The following PEAK1 variants were observed in gnomAD, a reference collection of about 807,000 sequenced individuals.
The protein encoded by PEAK1 is inactive tyrosine-protein kinase PEAK1.
Under a neutral mutation model 124.7 loss-of-function variants are expected in PEAK1, and 54 were observed. That is an observed-to-expected ratio of 0.43 (90% CI 0.35 to 0.54). PEAK1 has a LOEUF of 0.54. Ranked by LOEUF, PEAK1 falls within the 20% of genes least tolerant of loss-of-function variation. The probability of loss-of-function intolerance (pLI) is 0.01; values close to 1 mark genes in which losing one functional copy is unlikely to be tolerated. For synonymous variants in PEAK1, 719 were observed against 760.0 expected (o/e 0.95, Z 0.89); for missense variants, 2,046 against 2,134.5 (o/e 0.96, Z 0.82).
At chr15:77,188,565 T>G (rs2057667555) in intron 6 of PEAK1, among the ~76,000 whole-genome samples, 1 of 152,190 alleles carries the variant, frequency 6.6e-6, no homozygotes, top group South Asian at 2.1e-4. Flanking sequence ...TATTATCTAA[T>G]AACAGCCAAG....
intron 2 of PEAK1, 78 bp downstream of exon 2, chr15:77,365,085 C>G: frequency 2.1e-6 from 1 of 466,408 alleles, no homozygotes; most frequent in Non-Finnish European, 2.8e-6. Context: ...TTGATATTGC[C>G]TTAAATTTTT....
In PEAK1 at chr15:77,271,099, C is replaced by A. The variant is rs2062006255; in HGVS notation, c.-275+12784G>T. The stretch of plus-strand genomic sequence containing the variant: ...AAATTTACAAGAAAAAAACAAACAA[C>A]CCCATCAAAAAGTGGGCGAAGGACA... On this transcript the variant is annotated intron_variant, in intron 5 of 9. Transcript: ENST00000682557. 2.0e-5 allele frequency among the ~76,000 whole-genome samples: 3 copies of A among 152,096 alleles called. No homozygotes were observed. In the South Asian group the frequency reaches 6.2e-4, roughly 32 times the overall value.
rs150875983 is a variant in PEAK1 at position 77,365,459 on chromosome 15, C to T, written c.-665-234G>A. On this transcript the variant is annotated intron_variant, in intron 1 of 9. Transcript: ENST00000682557. ...AAATTAAAAGTATATCAAAACAGGC[C>T]GGGCACGGCGGCTCACGCCTGTAAT... Among the ~76,000 whole-genome samples, 687 of 152,226 alleles carry T rather than the reference C, an allele frequency of 4.5e-3. 5 individuals are homozygous for T. The highest frequency in any genetic ancestry group is 0.01 in the Admixed American group (158 of 15,290).
At chr15:77,129,099 A>T (rs2052626670) in intron 9 of PEAK1, among the ~76,000 whole-genome samples, 1 of 152,186 alleles carries the variant, frequency 6.6e-6, no homozygotes, top group Admixed American at 6.5e-5. Flanking sequence ...TGGTGTCCTT[A>T]TAAGAGATAC....
At chr15:77,117,106 C>T (rs1201140020) in intron 9 of PEAK1, among the ~76,000 whole-genome samples, 2 of 152,074 alleles carry the variant, frequency 1.3e-5, no homozygotes, top group Non-Finnish European at 2.9e-5. Context: ...ACCATTATCC[C>T]CATTGCCAGT....
At chr15:77,203,587 A>G (rs777145587) in intron 6 of PEAK1, among the ~76,000 whole-genome samples, 4 of 152,180 alleles carry the variant, frequency 2.6e-5, no homozygotes, top group Non-Finnish European at 5.9e-5. Context: ...CAAATAGATC[A>G]ATGGAACAGA....
chr15:77,183,639 T>A (rs2057393042), intron 6 of PEAK1, among the ~76,000 whole-genome samples: 1 of 151,334 alleles, frequency 6.6e-6, no homozygotes, highest in African/African-American at 2.4e-5. Flanking sequence ...ATCAAAAACA[T>A]TTGCCAAAAA....
chr15:77,384,557 A>C (rs2069764168), intron 1 of PEAK1, among the ~76,000 whole-genome samples: 1 of 152,234 alleles, frequency 6.6e-6, no homozygotes, highest in Non-Finnish European at 1.5e-5. Context: ...AGCATACATT[A>C]AGAGCAAAAT....
intron 6 of PEAK1, among the ~76,000 whole-genome samples, chr15:77,221,972 A>G (rs1443018237): frequency 6.6e-6 from 1 of 152,094 alleles, no homozygotes; most frequent in Non-Finnish European, 1.5e-5. Flanking sequence ...AAAAGAGTAC[A>G]GTAAGAATGT....
chr15:77,322,826 C>T (rs1488337206), intron 2 of PEAK1, among the ~76,000 whole-genome samples: 1 of 151,866 alleles, frequency 6.6e-6, no homozygotes, highest in Non-Finnish European at 1.5e-5. Flanking sequence ...GACACAACAA[C>T]AACAAAAAAA....
intron 6 of PEAK1, among the ~76,000 whole-genome samples, chr15:77,201,810 C>A (rs2058376907): frequency 6.6e-6 from 1 of 152,124 alleles, no homozygotes; most frequent in Admixed American, 6.5e-5. Context: ...GGCCACATTC[C>A]AAGGAATGCC....
exon 7 of PEAK1, chr15:77,100,736 CTA>C (rs2050687301): frequency 6.6e-6 from 1 of 151,030 alleles, no homozygotes; most frequent in South Asian, 2.1e-4. Flanking sequence ...CATTCACCTC[CTA>C]ATTAAACTGA....
chr15:77,119,098 G>C (rs2051669956), intron 9 of PEAK1, among the ~76,000 whole-genome samples: 1 of 81,524 alleles, frequency 1.2e-5, no homozygotes, highest in South Asian at 3.6e-4. Flanking sequence ...CCTCTTTCTG[G>C]ATAAGCTTTT....
At chr15:77,146,477 CA>C (rs543282662) in intron 8 of PEAK1, among the ~76,000 whole-genome samples, 234 of 152,264 alleles carry the variant, frequency 1.5e-3, no homozygotes, top group African/African-American at 5.5e-3. Flanking sequence ...GAAACCTCTC[CA>C]AAAACAGAGA....
intron 8 of PEAK1, among the ~76,000 whole-genome samples, chr15:77,134,698 G>C (rs1240154585): frequency 6.6e-6 from 1 of 152,104 alleles, no homozygotes; most frequent in Non-Finnish European, 1.5e-5. Context: ...CTTCTATAAA[G>C]GCTATTAAAA....
rs146607802 is a variant in PEAK1 at position 77,305,609 on chromosome 15, G to C, written c.-602-19105C>G. Among the ~76,000 whole-genome samples the C allele has an allele frequency of 2.3e-3, 348 of 152,216 alleles. 1 individual carries two copies. The highest frequency in any genetic ancestry group is 3.4e-3 in the Non-Finnish European group (232 of 68,012). On this transcript the variant is annotated intron_variant, in intron 2 of 9. Coordinates refer to ENST00000682557, the MANE Select transcript of PEAK1 (RefSeq NM_001385026.1). ...GGAAATTAATCTGACTGGTGGATAG[G>C]GTGGAATAAAACAGAGAATGAGTAG...
intron 5 of PEAK1, among the ~76,000 whole-genome samples, chr15:77,263,174 T>C (rs189504472): frequency 4.6e-5 from 7 of 151,932 alleles, no homozygotes; most frequent in Non-Finnish European, 1.0e-4. Context: ...ATTGACACCA[T>C]AACATCACAA....
rs1461409636 is a variant in PEAK1 at position 77,169,631 on chromosome 15, G to A, written c.3137+9159C>T. The stretch of plus-strand genomic sequence containing the variant: ...GTTCTAAAGCGATTAGGTTACCAGG[G>A]GCAAGAGATTAGGCAGAGAGCTCAA... On this transcript the variant is annotated intron_variant, in intron 7 of 9. Coordinates refer to ENST00000682557, the MANE Select transcript of PEAK1 (RefSeq NM_001385026.1). 2.0e-5 allele frequency among the ~76,000 whole-genome samples: 3 copies of A among 152,242 alleles called. No individual in the cohort carries two copies. The East Asian group carries it at 5.8e-4, about 29-fold the overall frequency.
At chr15:77,144,576 T>C (rs528024895) in intron 8 of PEAK1, among the ~76,000 whole-genome samples, 1 of 152,304 alleles carries the variant, frequency 6.6e-6, no homozygotes, top group African/African-American at 2.4e-5. Context: ...TGGTCATCAA[T>C]TCAAAATGGA....
Sources: allele counts gnomAD v4.1 joint callset (sites outside exome capture counted in the v4.1 genomes callset), GRCh38; gene constraint gnomAD v4.1.1; transcripts MANE v1.5; gene names NCBI Gene and HGNC (gene_info 2026-07-23, HGNC 2026-07-21).